Variants in SGCZ observed in about 807,000 individuals in gnomAD.
SGCZ encodes the protein zeta-sarcoglycan.
Under a neutral mutation model 41.3 loss-of-function variants are expected in SGCZ, and 40 were observed. The observed-to-expected ratio is 0.97, with a 90% CI of 0.75 to 1.26. The LOEUF (loss-of-function observed/expected upper bound fraction) is 1.26, where lower values mean the gene tolerates loss of function less well. SGCZ is among the 50% of genes most tolerant of loss of function. The pLI, the probability that SGCZ is intolerant of heterozygous loss-of-function variation, is 0.00. For missense variants in SGCZ, 552 were observed against 369.8 expected, an observed-to-expected ratio of 1.49 and a Z score of -4.04; for synonymous variants, 206 against 137.5, an observed-to-expected ratio of 1.50 and a Z score of -3.49.
chr8:14,777,387 A>G (rs1800438727), intron 1 of SGCZ, among the ~76,000 whole-genome samples: 1 of 152,234 alleles, frequency 6.6e-6, no homozygotes, highest in Non-Finnish European at 1.5e-5. Context: ...TATTTTCTAT[A>G]CACTTCAGGT....
chr8:15,015,797 T>A (rs901357580), intron 1 of SGCZ, among the ~76,000 whole-genome samples: 4 of 147,782 alleles, frequency 2.7e-5, no homozygotes, highest in Non-Finnish European at 6.0e-5. Context: ...AATAGCTTGG[T>A]TCTGATATCA....
intron 2 of SGCZ, among the ~76,000 whole-genome samples, chr8:14,551,610 AT>A (rs1803866664): frequency 2.0e-5 from 1 of 49,510 alleles, no homozygotes; most frequent in Non-Finnish European, 3.6e-5. Flanking sequence ...TATATATTAT[AT>A]ATATACATAA....
intron 4 of SGCZ, among the ~76,000 whole-genome samples, chr8:14,177,963 T>TTTTTTTTTCTTTC (rs1804603479): frequency 2.4e-4 from 1 of 4,248 alleles, no homozygotes; most frequent in Non-Finnish European, 5.1e-4. Flanking sequence ...TTTTTCTTTT[T>TTTTTTTTTCTTTC]TTTTTTTTTT....
intron 1 of SGCZ, among the ~76,000 whole-genome samples, chr8:14,958,481 G>A (rs930114167): frequency 1.3e-5 from 2 of 151,950 alleles, no homozygotes; most frequent in East Asian, 1.9e-4. Context: ...GAACACGAAA[G>A]GTCACATCCT....
At chr8:15,093,115 G>A (rs1433288321) in intron 1 of SGCZ, among the ~76,000 whole-genome samples, 1 of 152,122 alleles carries the variant, frequency 6.6e-6, no homozygotes, top group East Asian at 1.9e-4. Context: ...ATCAGCTGCA[G>A]CCATAATAAA....
chr8:15,126,432 T>A (rs992699960), intron 1 of SGCZ, among the ~76,000 whole-genome samples: 3 of 152,106 alleles, frequency 2.0e-5, no homozygotes, highest in African/African-American at 7.2e-5. Context: ...ACATTGATAA[T>A]CTATCAGCAG....
At chr8:14,360,481 A>C (rs1803471249) in intron 2 of SGCZ, among the ~76,000 whole-genome samples, 1 of 151,878 alleles carries the variant, frequency 6.6e-6, no homozygotes, top group Non-Finnish European at 1.5e-5. Context: ...ACGCATCACC[A>C]CACCCAGCTA....
At chr8:14,362,209 C>T (rs1451460437) in intron 2 of SGCZ, among the ~76,000 whole-genome samples, 1 of 152,196 alleles carries the variant, frequency 6.6e-6, no homozygotes, top group Non-Finnish European at 1.5e-5. Flanking sequence ...AGAAGCACTA[C>T]TCTCCTCAGA....
chr8:15,111,034 T>C (rs574499649), intron 1 of SGCZ, among the ~76,000 whole-genome samples: 91 of 152,278 alleles, frequency 6.0e-4, no homozygotes, highest in Non-Finnish European at 1.1e-3. Flanking sequence ...TGAGTCCTGC[T>C]GAGGCAGGAG....
chr8:15,145,936 T>C (rs1262713441), intron 1 of SGCZ, among the ~76,000 whole-genome samples: 1 of 152,116 alleles, frequency 6.6e-6, no homozygotes, highest in Non-Finnish European at 1.5e-5. Flanking sequence ...TAAAACTGTA[T>C]AAACTCCAAA....
chr8:14,597,135 G>A (rs989090473), intron 1 of SGCZ, among the ~76,000 whole-genome samples: 1 of 152,130 alleles, frequency 6.6e-6, no homozygotes, highest in African/African-American at 2.4e-5. Flanking sequence ...ACTATTGTTA[G>A]AATACGTTAA....
At chr8:15,176,051 A>C (rs1799992189) in intron 1 of SGCZ, among the ~76,000 whole-genome samples, 2 of 152,218 alleles carry the variant, frequency 1.3e-5, no homozygotes, top group African/African-American at 4.8e-5. Context: ...TTAAGTGAAA[A>C]AATGGAAGAA....
intron 1 of SGCZ, among the ~76,000 whole-genome samples, chr8:14,931,053 T>G (rs1036370460): frequency 6.6e-6 from 1 of 152,064 alleles, no homozygotes; most frequent in African/African-American, 2.4e-5. Flanking sequence ...TTTTGCATAT[T>G]TTTCTCAAAT....
At chr8:14,745,728 C>A (rs572534237) in intron 1 of SGCZ, among the ~76,000 whole-genome samples, 4 of 151,750 alleles carry the variant, frequency 2.6e-5, no homozygotes, top group Non-Finnish European at 4.4e-5. Flanking sequence ...AACCGAGCTA[C>A]AAGAAGAAAT....
intron 1 of SGCZ, among the ~76,000 whole-genome samples, chr8:14,644,079 T>C (rs996384938): frequency 4.6e-5 from 7 of 151,826 alleles, no homozygotes; most frequent in Non-Finnish European, 7.4e-5. Context: ...TTAAGTATTA[T>C]GATCTAGCAT....
intron 1 of SGCZ, among the ~76,000 whole-genome samples, chr8:15,140,562 A>C (rs2116995324): frequency 6.6e-6 from 1 of 152,290 alleles, no homozygotes; most frequent in South Asian, 2.1e-4. Context: ...AACTAATAGT[A>C]ATAATAATAA....
At chr8:15,093,285 C>T (rs1169312043) in intron 1 of SGCZ, among the ~76,000 whole-genome samples, 2 of 152,144 alleles carry the variant, frequency 1.3e-5, no homozygotes, top group East Asian at 1.9e-4. Context: ...GCCACAGTAC[C>T]GACTTCTCTG....
chr8:14,133,817 T>G (rs1373519676), intron 5 of SGCZ, among the ~76,000 whole-genome samples: 1 of 152,202 alleles, frequency 6.6e-6, no homozygotes, highest in Non-Finnish European at 1.5e-5. Flanking sequence ...TCGCTCATAT[T>G]AACCTCAACA....
intron 2 of SGCZ, among the ~76,000 whole-genome samples, chr8:14,372,299 T>C (rs554084295): frequency 6.6e-6 from 1 of 152,298 alleles, no homozygotes; most frequent in East Asian, 1.9e-4. Context: ...ATGGAGAATG[T>C]GTATACCCAA....
Sources: allele counts gnomAD v4.1 joint callset (sites outside exome capture counted in the v4.1 genomes callset), GRCh38; gene constraint gnomAD v4.1.1; transcripts MANE v1.5; gene names NCBI Gene and HGNC (gene_info 2026-07-23, HGNC 2026-07-21).